Variants in BID observed in about 807,000 individuals in gnomAD.
BID encodes BH3-interacting domain death agonist.
Under a neutral mutation model 17.4 loss-of-function variants are expected in BID, and 19 were observed. That is an observed-to-expected ratio of 1.09 (90% CI 0.76 to 1.60). The LOEUF (loss-of-function observed/expected upper bound fraction) is 1.60. BID is among the 40% of genes most tolerant of loss of function. The probability of loss-of-function intolerance (pLI) is 0.00; values close to 1 mark genes in which losing one functional copy is unlikely to be tolerated. For missense variants in BID, 226 were observed against 256.0 expected (o/e 0.88, Z 0.80); for synonymous variants, 108 against 102.8 (o/e 1.05, Z -0.31).
chr22:17,740,525 G>A (rs928368264), intron 3 of BID: 16 of 219,232 alleles, frequency 7.3e-5, no homozygotes, highest in Admixed American at 6.6e-4. Flanking sequence ...CGCCTCCTGG[G>A]TTCAAGCAAG....
At chr22:17,748,456 G>T (rs1038725544) in intron 2 of BID, among the ~76,000 whole-genome samples, 4 of 151,822 alleles carry the variant, frequency 2.6e-5, no homozygotes, top group African/African-American at 9.7e-5. Context: ...TGCAGTGAGC[G>T]GAGATCGTGC....
At chr22:17,757,339 G>T (rs1039588312) in intron 1 of BID, among the ~76,000 whole-genome samples, 1 of 135,570 alleles carries the variant, frequency 7.4e-6, no homozygotes, top group Non-Finnish European at 1.5e-5. Context: ...GGAGGTGGAG[G>T]TTACAGCGAG....
In BID at chr22:17,769,224, G is replaced by A. The variant is rs991745980; in HGVS notation, c.-59+5157C>T. On this transcript the variant is annotated intron_variant, in intron 1 of 5. Transcript: ENST00000622694. The surrounding 1 kb of genome is among the most constrained non-coding windows in gnomAD (Gnocchi z 4.8). ...ATGCCACCCAGCCCCTGGCAGAAAC[G>A]CCTCCCCTCTCCTATGGAGGGGCTG... 3.3e-5 allele frequency among the ~76,000 whole-genome samples: 5 copies of A among 152,212 alleles called. No homozygotes were observed. The highest frequency in any genetic ancestry group is 9.6e-5 in the African/African-American group (4 of 41,458).
At chr22:17,750,408 G>A (rs768271863) in intron 1 of BID, among the ~76,000 whole-genome samples, 4 of 152,238 alleles carry the variant, frequency 2.6e-5, no homozygotes, top group African/African-American at 4.8e-5. Context: ...CCTGAATTCA[G>A]CCCTCCCATG....
chr22:17,739,960 T>G, intron 3 of BID: 1 of 1,053,940 alleles, frequency 9.5e-7, no homozygotes, highest in Non-Finnish European at 1.4e-6. Flanking sequence ...AAAACCCCAG[T>G]TGTCACTGGC....
chr22:17,734,836 A>AGT lies in BID; in HGVS notation c.*742_*743dup. ...GGAAAGAGAAAAAGTGTATGCAGTT[A>AGT]GTTACCTGATTTTGTAAACAAACAG... On this transcript the variant is annotated 3_prime_UTR_variant, in exon 6 of 6. Coordinates refer to ENST00000622694, the MANE Select transcript of BID (RefSeq NM_001196.4). The AGT allele has an allele frequency of 6.6e-6, 1 of 152,264 alleles. No homozygotes were observed. Among genetic ancestry groups the AGT allele is most frequent in the Non-Finnish European group, 1.5e-5 (1 of 68,050 alleles). The allele number at this position is 152,264 out of a possible 1,614,324, so 9.4% of individuals were successfully genotyped here.
intron 5 of BID, among the ~76,000 whole-genome samples, chr22:17,737,116 A>ATT (rs2145870567): frequency 6.6e-6 from 1 of 151,546 alleles, no homozygotes; most frequent in South Asian, 2.1e-4. Flanking sequence ...TCAGCTAATT[A>ATT]TTTTTATAAA....
chr22:17,738,375 G>A (rs2061434997), intron 4 of BID, 146 bp from the exon 5 acceptor site: 11 of 775,922 alleles, frequency 1.4e-5, no homozygotes, highest in Non-Finnish European at 2.0e-5. Flanking sequence ...GTTGAGTTCT[G>A]AGAGGCAATG....
chr22:17,747,873 C>T (rs962376933), intron 2 of BID, among the ~76,000 whole-genome samples: 33 of 150,050 alleles, frequency 2.2e-4, no homozygotes, highest in Non-Finnish European at 3.8e-4. Context: ...GTCAAGAGGT[C>T]GAGAACATCC....
intron 2 of BID, 65 bp downstream of exon 2, chr22:17,750,040 C>T (rs2061524850): frequency 6.7e-7 from 1 of 1,487,340 alleles, no homozygotes; most frequent in Non-Finnish European, 9.2e-7. Context: ...TGGTGGGGGA[C>T]ACGCAGGCCC....
chr22:17,774,640 C>G (rs962607712), upstream of BID: 13 of 151,676 alleles, frequency 8.6e-5, no homozygotes, highest in African/African-American at 2.7e-4. Context: ...CCACCCTTAC[C>G]CCTTACGCGA....
chr22:17,767,179 G>A (rs537125715), intron 1 of BID, among the ~76,000 whole-genome samples: 96 of 151,016 alleles, frequency 6.4e-4, no homozygotes, highest in African/African-American at 1.4e-3. Context: ...AGCCGAGATC[G>A]CGCCACTGCA....
chr22:17,744,212 G>A (rs1274030070), intron 2 of BID, among the ~76,000 whole-genome samples, 199 bp from the exon 3 acceptor site: 11 of 152,204 alleles, frequency 7.2e-5, no homozygotes, highest in Non-Finnish European at 1.3e-4. Flanking sequence ...AGCACTGCCC[G>A]TAGATGGCAG....
At chr22:17,774,526 G>A, upstream of BID, 1 of 161,886 alleles carries the variant, frequency 6.2e-6, no homozygotes, top group South Asian at 1.8e-4. Flanking sequence ...GCCCCGGCCC[G>A]CCCCGGCCCG....
At chr22:17,740,353 T>C (rs2145875742) in intron 3 of BID, 2 of 624,824 alleles carry the variant, frequency 3.2e-6, no homozygotes, top group East Asian at 2.8e-5. Context: ...GACAGAAGAT[T>C]GCTTAAGGCC....
At chr22:17,747,982 G>A (rs1175855877) in intron 2 of BID, among the ~76,000 whole-genome samples, 10 of 152,010 alleles carry the variant, frequency 6.6e-5, no homozygotes, top group Non-Finnish European at 1.2e-4. Flanking sequence ...AGGCCGAGGC[G>A]GGCAGATCGC....
intron 1 of BID, among the ~76,000 whole-genome samples, chr22:17,771,410 T>G (rs1239707374): frequency 6.6e-6 from 1 of 151,942 alleles, no homozygotes; most frequent in Non-Finnish European, 1.5e-5. Context: ...GTCTTTCCCC[T>G]TTAAGACCCC....
At chr22:17,760,572 A>C (rs1007438558) in intron 1 of BID, among the ~76,000 whole-genome samples, 1 of 152,168 alleles carries the variant, frequency 6.6e-6, no homozygotes, top group Non-Finnish European at 1.5e-5. Flanking sequence ...TCTAGAAAAC[A>C]GAAATGAACA....
At chr22:17,739,641 C>T (rs551249138) in intron 3 of BID, 153 bp from the exon 4 acceptor site, 95 of 1,059,742 alleles carry the variant, frequency 9.0e-5, no homozygotes, top group Admixed American at 6.5e-4. Context: ...AGGGCCACAG[C>T]GGGCGGGCTG....
Sources: gnomAD v4.1 joint callset for allele counts (sites outside exome capture counted in the v4.1 genomes callset) on GRCh38, gnomAD v4.1.1 for gene constraint, Gnocchi (gnomAD v3.1) non-coding constraint, MANE v1.5 for transcripts, NCBI Gene and HGNC (gene_info 2026-07-23, HGNC 2026-07-21) for gene names.